SNAPC3: variants seen among roughly 807,000 people sequenced by gnomAD.
SNAPC3 encodes the protein small nuclear RNA activating complex polypeptide 3.
A neutral mutation model predicts 47.7 loss-of-function variants in SNAPC3; 56 were observed. That is an observed-to-expected ratio of 1.18 (90% CI 0.95 to 1.47). The LOEUF (loss-of-function observed/expected upper bound fraction) is 1.47. SNAPC3 is among the 40% of genes most tolerant of loss of function. The pLI is 0.00. For synonymous variants in SNAPC3, 235 were observed against 189.9 expected (o/e 1.24, Z -1.95); for missense variants, 665 against 511.3 (o/e 1.30, Z -2.90).
In SNAPC3 at chr9:15,423,008, T is replaced by G; in HGVS notation, c.129T>G (p.His43Gln). The stretch of plus-strand genomic sequence containing the variant: ...CCGAGCTAAATACGCGCGCTTTCCA[T>G]GTGGGCGCCTTTGGGGAGCTGTGGC... ...ELPELNTRAF[H>Q]VGAFGELWRG... Residue 43 changes from histidine (H) to glutamine (Q), a missense_variant, in exon 1 of 9, where the codon CAT becomes CAG. His to Gln is a conservative substitution (Grantham distance 24). Transcript: ENST00000380821. 2 of 1,546,338 alleles carry G rather than the reference T, an allele frequency of 1.3e-6. No homozygotes were observed. The highest frequency in any genetic ancestry group is 1.7e-6 in the Non-Finnish European group (2 of 1,153,202).
chr9:15,458,129 G>C (rs2034941413), intron 8 of SNAPC3, 62 bp downstream of exon 8: 2 of 842,544 alleles, frequency 2.4e-6, no homozygotes, highest in East Asian at 2.7e-5. Context: ...TTGGTATTTT[G>C]TTTTCCACTT....
At chr9:15,450,598 C>T (rs1298883167) in intron 5 of SNAPC3, among the ~76,000 whole-genome samples, 4 of 152,184 alleles carry the variant, frequency 2.6e-5, no homozygotes, top group African/African-American at 9.7e-5. Context: ...GACCCTCATT[C>T]AGGAGTCTAA....
chr9:15,459,250 GT>G (rs2035020380), intron 8 of SNAPC3, among the ~76,000 whole-genome samples: 1 of 152,126 alleles, frequency 6.6e-6, no homozygotes, highest in Non-Finnish European at 1.5e-5. Flanking sequence ...ATAATCTTGA[GT>G]TCTAGGTAAA....
Position 15,451,377 on chromosome 9 carries a change from T to C in SNAPC3, c.790T>C (p.Tyr264His). The change falls in exon 6 of 9, where the codon TAC becomes CAC. Residue 264 changes from tyrosine (Y) to histidine (H), a missense_variant. Tyr to His is a moderately conservative substitution (Grantham distance 83). Coordinates refer to ENST00000380821, the MANE Select transcript of SNAPC3 (RefSeq NM_001039697.2). ...FEGTFYNDKR[Y>H]PECRDLSRTI... Reference sequence around the variant, plus strand: ...AGGAACATTTTATAATGATAAAAGATACCCAGAATGCAGAGATTTGAGCAG... The same window carrying C: ...AGGAACATTTTATAATGATAAAAGACACCCAGAATGCAGAGATTTGAGCAG... The C allele has an allele frequency of 6.5e-7, 1 of 1,548,384 alleles. No individual in the cohort carries two copies. Among genetic ancestry groups the C allele is most frequent in the Non-Finnish European group, 8.8e-7 (1 of 1,130,754 alleles).
chr9:15,440,178 G>C (rs1165713170), intron 3 of SNAPC3, among the ~76,000 whole-genome samples: 2 of 152,068 alleles, frequency 1.3e-5, no homozygotes, highest in Non-Finnish European at 2.9e-5. Context: ...CAATCATATA[G>C]GAAAAACAGA....
chr9:15,464,483 C>G, downstream of SNAPC3: 1 of 200,558 alleles, frequency 5.0e-6, no homozygotes, highest in Non-Finnish European at 1.0e-5. Flanking sequence ...AGTCCATACA[C>G]GTCAATGTAC....
downstream of SNAPC3, chr9:15,465,080 T>C (rs2035523019): frequency 4.4e-6 from 1 of 227,862 alleles, no homozygotes; most frequent in South Asian, 1.8e-4. Context: ...GTGTAACTTC[T>C]ACAAAACCCA....
At chr9:15,459,148 A>G (rs756855869) in intron 8 of SNAPC3, among the ~76,000 whole-genome samples, 33 of 152,364 alleles carry the variant, frequency 2.2e-4, no homozygotes, top group Admixed American at 9.1e-4. Context: ...GAGATGCAGA[A>G]TTCAAACATA....
intron 7 of SNAPC3, 99 bp from the exon 8 acceptor site, chr9:15,457,861 A>C: frequency 1.4e-6 from 1 of 710,548 alleles, no homozygotes; most frequent in Non-Finnish European, 2.3e-6. Context: ...GAAAGTATCT[A>C]TTTTCCTAAT....
intron 3 of SNAPC3, among the ~76,000 whole-genome samples, chr9:15,437,325 C>T (rs914226186): frequency 2.6e-5 from 4 of 152,012 alleles, no homozygotes; most frequent in African/African-American, 4.8e-5. Context: ...TTCCGCCTCC[C>T]GGGTTCAAGT....
At chr9:15,457,066 G>C (rs778252735) in intron 7 of SNAPC3, among the ~76,000 whole-genome samples, 3 of 152,172 alleles carry the variant, frequency 2.0e-5, no homozygotes, top group African/African-American at 2.4e-5. Context: ...GAGCTGATTA[G>C]TGGCAGAGTA....
chr9:15,440,903 A>G (rs1024439599), intron 3 of SNAPC3, among the ~76,000 whole-genome samples: 4 of 149,476 alleles, frequency 2.7e-5, no homozygotes, highest in African/African-American at 9.8e-5. Context: ...GAGCCGAGAT[A>G]GCGCCACTGC....
At chr9:15,442,682 C>G (rs1029892801) in intron 3 of SNAPC3, among the ~76,000 whole-genome samples, 5 of 151,710 alleles carry the variant, frequency 3.3e-5, no homozygotes, top group African/African-American at 1.2e-4. Flanking sequence ...TCCGCACTTC[C>G]CAGACTGGGC....
chr9:15,443,263 C>A (rs1749112930), intron 3 of SNAPC3, among the ~76,000 whole-genome samples: 1 of 152,164 alleles, frequency 6.6e-6, no homozygotes, highest in Non-Finnish European at 1.5e-5. Flanking sequence ...GCGAATGTAA[C>A]TATTGCCTGT....
intron 5 of SNAPC3, among the ~76,000 whole-genome samples, chr9:15,449,789 T>C (rs1466246801): frequency 3.3e-5 from 5 of 151,698 alleles, no homozygotes; most frequent in African/African-American, 1.2e-4. Flanking sequence ...CAGGCTGGTC[T>C]TGAACTCCCA....
intron 2 of SNAPC3, among the ~76,000 whole-genome samples, chr9:15,427,346 G>A (rs117085600): frequency 0.016 from 2,493 of 152,194 alleles, 60 homozygotes; most frequent in South Asian, 0.097. Flanking sequence ...TTATTTATTT[G>A]TTTATTTATT....
chr9:15,444,350 G>A (rs564376558), intron 3 of SNAPC3, among the ~76,000 whole-genome samples: 1 of 152,226 alleles, frequency 6.6e-6, no homozygotes, highest in Admixed American at 6.5e-5. Context: ...TAAGTACTCA[G>A]TACCACACAT....
chr9:15,427,858 T>G (rs1454152261), intron 2 of SNAPC3, among the ~76,000 whole-genome samples: 2 of 152,030 alleles, frequency 1.3e-5, no homozygotes, highest in Non-Finnish European at 2.9e-5. Flanking sequence ...CAACCACAAA[T>G]GATTTTTTAA....
chr9:15,424,533 A>G (rs1418862193), intron 2 of SNAPC3, among the ~76,000 whole-genome samples: 2 of 151,250 alleles, frequency 1.3e-5, no homozygotes, highest in Non-Finnish European at 2.9e-5. Flanking sequence ...AATGGAATTA[A>G]AAAAGACAAA....
Sources: gnomAD v4.1 joint callset for allele counts (sites outside exome capture counted in the v4.1 genomes callset) on GRCh38, gnomAD v4.1.1 for gene constraint, MANE v1.5 for transcripts, NCBI Gene and HGNC (gene_info 2026-07-23, HGNC 2026-07-21) for gene names.